The following ARHGAP29 variants were observed in gnomAD, a reference collection of about 807,000 sequenced individuals.
ARHGAP29 encodes the protein Rho GTPase activating protein 29.
Under a neutral mutation model 122.6 loss-of-function variants are expected in ARHGAP29, and 43 were observed. The observed-to-expected ratio is 0.35, with a 90% CI of 0.27 to 0.45. The LOEUF is 0.45. Among genes scored for constraint, ARHGAP29 ranks in the 20% least tolerant of loss-of-function variants. The probability of loss-of-function intolerance (pLI) is 1.00; values close to 1 mark genes in which losing one functional copy is unlikely to be tolerated. For missense variants in ARHGAP29, 1,303 were observed against 1,477.2 expected, an observed-to-expected ratio of 0.88 and a Z score of 1.93; for synonymous variants, 506 against 497.1, an observed-to-expected ratio of 1.02 and a Z score of -0.24.
At chr1:94,235,204 T>C (rs1653179546) in intron 1 of ARHGAP29, among the ~76,000 whole-genome samples, 2 of 152,170 alleles carry the variant, frequency 1.3e-5, no homozygotes, top group Admixed American at 6.5e-5. Flanking sequence ...AAGGAAACAT[T>C]ACAATTGAAA....
intron 12 of ARHGAP29, chr1:94,194,249 A>G (rs1484433705): frequency 6.6e-6 from 1 of 152,164 alleles, no homozygotes; most frequent in Non-Finnish European, 1.5e-5. Context: ...CTTCTTCAAC[A>G]GTTTTTCACA....
chr1:94,237,572 C>G lies in ARHGAP29; in HGVS notation c.-190G>C. On this transcript the variant is annotated 5_prime_UTR_variant, in exon 1 of 23. Transcript: ENST00000260526. ...CCGCAGCCGCAGCCACAGCCACAGG[C>G]ACCACCACCACTGCAGCCGCCACCG... 1.0e-6 allele frequency: 1 copy of G among 991,180 alleles called. No individual in the cohort carries two copies. Among genetic ancestry groups the G allele is most frequent in the Non-Finnish European group, 1.2e-6 (1 of 834,236 alleles). The allele number at this position is 991,180 out of a possible 1,614,324, so 61.4% of individuals were successfully genotyped here. A position where few individuals can be genotyped will look rare whatever the true frequency, so the allele number is the denominator to read the frequency against.
At chr1:94,201,391 T>C (rs1466853277) in intron 12 of ARHGAP29, among the ~76,000 whole-genome samples, 1 of 152,124 alleles carries the variant, frequency 6.6e-6, no homozygotes, top group East Asian at 1.9e-4. Context: ...CCCGTAAGAA[T>C]TGTAACTTAT....
intron 1 of ARHGAP29, among the ~76,000 whole-genome samples, chr1:94,255,358 G>C (rs1312057393): frequency 6.6e-6 from 1 of 152,166 alleles, no homozygotes; most frequent in East Asian, 1.9e-4. Flanking sequence ...CTAGCCTCCA[G>C]AACTGTAAGA....
intron 3 of ARHGAP29, among the ~76,000 whole-genome samples, chr1:94,209,584 T>A (rs1442560390): frequency 6.6e-6 from 1 of 152,152 alleles, no homozygotes; most frequent in Non-Finnish European, 1.5e-5. Context: ...ACTCCATGGA[T>A]TACATAATTT....
chr1:94,187,057 C>G (rs991438793), intron 15 of ARHGAP29, among the ~76,000 whole-genome samples: 1 of 152,170 alleles, frequency 6.6e-6, no homozygotes, highest in African/African-American at 2.4e-5. Context: ...AACAACCCAA[C>G]AGTAACATCA....
intron 15 of ARHGAP29, 99 bp downstream of exon 15, chr1:94,188,738 G>A (rs1649957129): frequency 3.1e-6 from 3 of 958,778 alleles, no homozygotes; most frequent in Non-Finnish European, 4.8e-6. Flanking sequence ...TCTCTATTAT[G>A]TGTGAAAGTT....
intron 1 of ARHGAP29, among the ~76,000 whole-genome samples, chr1:94,250,205 G>A (rs1402075295): frequency 6.6e-6 from 1 of 152,178 alleles, no homozygotes; most frequent in African/African-American, 2.4e-5. Context: ...GAGTGGACAG[G>A]TGCTCTTCCC....
chr1:94,174,329 G>C lies in ARHGAP29; in HGVS notation c.3326C>G (p.Thr1109Arg), dbSNP rs774830651. 1 of 1,614,144 alleles carries C rather than the reference G, an allele frequency of 6.2e-7. No homozygotes were observed. Among genetic ancestry groups the C allele is most frequent in the East Asian group, 2.2e-5 (1 of 44,882 alleles). The change falls in exon 23 of 23, where the codon ACA becomes AGA. Residue 1109 changes from threonine (T) to arginine (R), a missense_variant. Thr to Arg is a moderately conservative substitution (Grantham distance 71, BLOSUM62 -1). Coordinates refer to ENST00000260526, the MANE Select transcript of ARHGAP29 (RefSeq NM_004815.4). ...ATGGTCCCCACTAATCTGGAGGCTT[G>C]TTGTCACTCCTTTTTCCTGGAGTGC... Reference protein sequence around the residue: ...PSALQEKGVTTSLQISGDHSI... With the variant: ...PSALQEKGVTRSLQISGDHSI...
In ARHGAP29 at chr1:94,211,287, C is replaced by CAAAAAAAAAAAAA. The variant is rs71094285; in HGVS notation, c.341-1950_341-1938dup. Among the ~76,000 whole-genome samples the CAAAAAAAAAAAAA allele has an allele frequency of 1.1e-4, 4 of 36,004 alleles. 1 individual carries two copies. Among genetic ancestry groups the CAAAAAAAAAAAAA allele is most frequent in the Non-Finnish European group, 1.4e-4 (3 of 21,200 alleles). The allele number at this position is 36,004 out of a possible 152,430, so 23.6% of individuals were successfully genotyped here. On this transcript the variant is annotated intron_variant, in intron 3 of 22. Coordinates refer to ENST00000260526, the MANE Select transcript of ARHGAP29 (RefSeq NM_004815.4). Reference sequence around the variant, plus strand: ...GGGCGACAGAGCAAGGCTCTGGCTCCAAAAAAAAAAAAAAAAAAAAAAAAA... The same window carrying CAAAAAAAAAAAAA: ...GGGCGACAGAGCAAGGCTCTGGCTCCAAAAAAAAAAAAAAAAAAAAAAAAAAAAAAAAAAAAAA...
the ARHGAP29 span, among the ~76,000 whole-genome samples, chr1:94,287,611 G>A: frequency 3.3e-5 from 5 of 151,850 alleles, no homozygotes; most frequent in Middle Eastern, 3.2e-3. Context: ...CCATTAACTC[G>A]TCATTTACAT....
intron 19 of ARHGAP29, 109 bp downstream of exon 19, chr1:94,184,041 AC>A (rs1299277425): frequency 1.4e-5 from 16 of 1,182,044 alleles, no homozygotes; most frequent in Non-Finnish European, 2.0e-5. Flanking sequence ...AGATACCTAT[AC>A]CGTCTATGCC....
At chr1:94,272,096 G>A (rs1218330390) in intron 1 of ARHGAP29, among the ~76,000 whole-genome samples, 2 of 152,164 alleles carry the variant, frequency 1.3e-5, no homozygotes, top group African/African-American at 4.8e-5. Context: ...TCCTGGTATA[G>A]GAAGGCTATG....
chr1:94,267,394 A>G (rs2100726489), intron 1 of ARHGAP29, among the ~76,000 whole-genome samples: 1 of 152,318 alleles, frequency 6.6e-6, no homozygotes, highest in East Asian at 1.9e-4. Flanking sequence ...TACTGGGATC[A>G]GGTAAAAGTG....
chr1:94,211,547 CAT>C (rs1651620778), intron 3 of ARHGAP29, among the ~76,000 whole-genome samples: 2 of 152,112 alleles, frequency 1.3e-5, no homozygotes, highest in Admixed American at 1.3e-4. Context: ...AAGCAAAACA[CAT>C]GTTCTTTTCA....
At chr1:94,303,350 G>T in the ARHGAP29 span, among the ~76,000 whole-genome samples, 2 of 152,182 alleles carry the variant, frequency 1.3e-5, no homozygotes, top group Non-Finnish European at 2.9e-5. Flanking sequence ...TATGTGAAAT[G>T]CCCAGAGAAG....
chr1:94,193,506 G>A (rs1650255580), intron 12 of ARHGAP29: 1 of 151,884 alleles, frequency 6.6e-6, no homozygotes, highest in African/African-American at 2.4e-5. Flanking sequence ...GTCTTAAACA[G>A]ATAAAATCCA....
intron 1 of ARHGAP29, among the ~76,000 whole-genome samples, chr1:94,251,902 G>T (rs1328462025): frequency 6.6e-6 from 1 of 152,096 alleles, no homozygotes; most frequent in Non-Finnish European, 1.5e-5. Flanking sequence ...TTTATTTACA[G>T]ATTTTTTAAA....
At chr1:94,211,866 T>G (rs1201128919) in intron 3 of ARHGAP29, among the ~76,000 whole-genome samples, 1 of 152,200 alleles carries the variant, frequency 6.6e-6, no homozygotes, top group Non-Finnish European at 1.5e-5. Context: ...TAACTGTCAT[T>G]TAGCATTAGG....
Sources: allele counts gnomAD v4.1 joint callset (sites outside exome capture counted in the v4.1 genomes callset), GRCh38; gene constraint gnomAD v4.1.1; transcripts MANE v1.5; gene names NCBI Gene and HGNC (gene_info 2026-07-23, HGNC 2026-07-21).